ADAMTSL1: variants seen among roughly 807,000 people sequenced by gnomAD.
The protein encoded by ADAMTSL1 is ADAMTS like 1.
In ADAMTSL1, 126 loss-of-function variants were observed where a neutral mutation model predicts 201.8. That is an observed-to-expected ratio of 0.62 (90% CI 0.54 to 0.72). The LOEUF is 0.72. Among genes scored for constraint, ADAMTSL1 ranks in the 30% least tolerant of loss-of-function variants. The pLI is 0.00. For synonymous variants in ADAMTSL1, 1,121 were observed against 903.4 expected (o/e 1.24, Z -4.32); for missense variants, 2,679 against 2,277.8 (o/e 1.18, Z -3.59).
At chr9:18,215,090 C>T (rs373007948) in intron 2 of ADAMTSL1, among the ~76,000 whole-genome samples, 7 of 151,936 alleles carry the variant, frequency 4.6e-5, no homozygotes, top group Admixed American at 2.0e-4. Flanking sequence ...AATGAGATGG[C>T]GATTGGAATG....
intron 4 of ADAMTSL1, among the ~76,000 whole-genome samples, chr9:18,601,270 T>C (rs1460881196): frequency 6.6e-6 from 1 of 152,196 alleles, no homozygotes; most frequent in African/African-American, 2.4e-5. Context: ...AGGATAAAGA[T>C]TAATGACAAG....
chr9:18,857,545 T>C (rs1826940523), intron 23 of ADAMTSL1, among the ~76,000 whole-genome samples: 1 of 152,252 alleles, frequency 6.6e-6, no homozygotes, highest in African/African-American at 2.4e-5. Flanking sequence ...GCTGGGCTCT[T>C]CTTATCACAC....
At chr9:18,897,404 C>T (rs963970565) in intron 26 of ADAMTSL1, among the ~76,000 whole-genome samples, 2 of 152,172 alleles carry the variant, frequency 1.3e-5, no homozygotes, top group African/African-American at 4.8e-5. Flanking sequence ...TGATCCCATC[C>T]CTCCTGACTG....
At chr9:18,824,302 CCCTCACCTGT>C (rs1350307940) in intron 21 of ADAMTSL1, among the ~76,000 whole-genome samples, 2 of 152,060 alleles carry the variant, frequency 1.3e-5, no homozygotes, top group Non-Finnish European at 2.9e-5. Flanking sequence ...GCTGTTCCAC[CCCTCACCTGT>C]GTCTTTTCTC....
At chr9:17,998,748 G>C (rs1162213661) in intron 1 of ADAMTSL1, among the ~76,000 whole-genome samples, 2 of 152,008 alleles carry the variant, frequency 1.3e-5, no homozygotes, top group Non-Finnish European at 2.9e-5. Flanking sequence ...CTAGGAGGTA[G>C]GCTTCTGACT....
chr9:17,963,382 G>A (rs1778184), intron 1 of ADAMTSL1, among the ~76,000 whole-genome samples: 125,458 of 151,920 alleles, frequency 0.83, 52,085 homozygotes, highest in East Asian at 0.94. Context: ...TGAGGGGAAA[G>A]TTAGAGCACA....
At chr9:18,286,339 G>C (rs1458352031) in intron 2 of ADAMTSL1, among the ~76,000 whole-genome samples, 1 of 152,280 alleles carries the variant, frequency 6.6e-6, no homozygotes, top group South Asian at 2.1e-4. Context: ...CAGTGAATAT[G>C]TATTAACTTA....
At chr9:18,017,910 G>T (rs1404725882) in intron 1 of ADAMTSL1, among the ~76,000 whole-genome samples, 1 of 151,974 alleles carries the variant, frequency 6.6e-6, no homozygotes, top group Non-Finnish European at 1.5e-5. Context: ...TCAGATCAAT[G>T]CACATGTAAT....
At chr9:18,650,287 C>T (rs1328531791) in intron 7 of ADAMTSL1, among the ~76,000 whole-genome samples, 3 of 152,164 alleles carry the variant, frequency 2.0e-5, no homozygotes, top group East Asian at 1.9e-4. Flanking sequence ...TTCCAGGTGC[C>T]GTCTGTCACC....
intron 5 of ADAMTSL1, among the ~76,000 whole-genome samples, chr9:18,633,383 A>T (rs1826897985): frequency 6.6e-6 from 1 of 151,998 alleles, no homozygotes; most frequent in African/African-American, 2.4e-5. Flanking sequence ...CAAGGTCAGG[A>T]GTTCAAGACC....
At chr9:17,916,774 T>C (rs1826111667) in intron 1 of ADAMTSL1, among the ~76,000 whole-genome samples, 1 of 152,200 alleles carries the variant, frequency 6.6e-6, no homozygotes, top group African/African-American at 2.4e-5. Flanking sequence ...CATTGACTTG[T>C]CTATCCTGTA....
intron 1 of ADAMTSL1, among the ~76,000 whole-genome samples, chr9:17,979,517 C>T (rs1328583986): frequency 9.5e-6 from 1 of 104,790 alleles, no homozygotes; most frequent in Non-Finnish European, 2.1e-5. Flanking sequence ...CTGTATTCCT[C>T]AGCCATGGAT....
intron 14 of ADAMTSL1, chr9:18,718,326 C>G: frequency 1.3e-6 from 1 of 741,008 alleles, no homozygotes; most frequent in Non-Finnish European, 2.5e-6. Flanking sequence ...GTACAAATCC[C>G]TCCTTGCTAT....
chr9:18,074,378 T>G (rs973690597), intron 1 of ADAMTSL1, among the ~76,000 whole-genome samples: 2 of 152,050 alleles, frequency 1.3e-5, no homozygotes, highest in Admixed American at 1.3e-4. Flanking sequence ...AAACGAAGAG[T>G]ATGTTGTCTG....
intron 2 of ADAMTSL1, among the ~76,000 whole-genome samples, chr9:18,310,440 A>C (rs1001824001): frequency 6.6e-6 from 1 of 150,466 alleles, no homozygotes; most frequent in African/African-American, 2.4e-5. Context: ...AACGGGAGAA[A>C]AATTTTGCAA....
At position 18,760,198 on chromosome 9, in the gene ADAMTSL1, C is replaced by T. The variant is rs1238750512; in HGVS notation, c.2217+6690C>T. 3.3e-5 allele frequency among the ~76,000 whole-genome samples: 5 copies of T among 152,310 alleles called. No individual in the cohort carries two copies. In the East Asian group the frequency reaches 5.8e-4, roughly 18 times the overall value. Reference sequence around the variant, plus strand: ...GAAACTTGAGCCATTATGAGCCTCACGCATCCTTCACGCTTTGTCAACATC... The same window carrying T: ...GAAACTTGAGCCATTATGAGCCTCATGCATCCTTCACGCTTTGTCAACATC... On this transcript the variant is annotated intron_variant, in intron 16 of 28. Transcript: ENST00000380548.
chr9:18,005,343 T>C lies in ADAMTSL1; in HGVS notation c.87+98421T>C, dbSNP rs544845651. Among the ~76,000 whole-genome samples the C allele has an allele frequency of 8.5e-5, 13 of 152,170 alleles. No homozygotes were observed. In the East Asian group the frequency reaches 1.8e-3, roughly 21 times the overall value. On this transcript the variant is annotated intron_variant, in intron 1 of 29. Coordinates refer to the ADAMTSL1 transcript ENST00000680146. ...ACTGCTACAGAAGGAAGCTGAAGGATGAGACATGGCCTTTATTGAGCACCT... is the reference window on the plus strand; with the variant it reads ...ACTGCTACAGAAGGAAGCTGAAGGACGAGACATGGCCTTTATTGAGCACCT...
rs1198480536 is a variant in ADAMTSL1 at position 17,925,306 on chromosome 9, A to T, written c.87+18384A>T. On this transcript the variant is annotated intron_variant, in intron 1 of 29. Transcript: ENST00000680146. ...GTGGAAGTCAGTGTGGCGATTCCTC[A>T]GGGATCTAGAACTAGAAATACCATT... Among the ~76,000 whole-genome samples, 2 of 122,106 alleles carry T rather than the reference A, an allele frequency of 1.6e-5. 1 individual carries two copies. The highest frequency in any genetic ancestry group is 1.8e-4 in the Admixed American group (2 of 11,062). 80.1% of individuals were successfully genotyped at this position (122,106 alleles called of 152,430 possible).
intron 2 of ADAMTSL1, among the ~76,000 whole-genome samples, chr9:18,527,863 A>AAT (rs950880366): frequency 2.2e-4 from 33 of 151,966 alleles, no homozygotes; most frequent in African/African-American, 4.6e-4. Context: ...TTTGAATTAG[A>AAT]ATATATATAT....
Sources: gnomAD v4.1 joint callset for allele counts (sites outside exome capture counted in the v4.1 genomes callset) on GRCh38, gnomAD v4.1.1 for gene constraint, MANE v1.5 for transcripts, NCBI Gene and HGNC (gene_info 2026-07-23, HGNC 2026-07-21) for gene names.